CCDC85A: variants seen among roughly 807,000 people sequenced by gnomAD.
CCDC85A encodes the protein coiled-coil domain-containing protein 85A.
CCDC85A carries 38 observed loss-of-function variants against 50.2 expected under a neutral mutation model. The observed-to-expected ratio is 0.76, with a 90% CI of 0.58 to 0.99. The LOEUF (loss-of-function observed/expected upper bound fraction) is 0.99. Among genes scored for constraint, CCDC85A ranks in the 50% least tolerant of loss-of-function variants. CCDC85A has a pLI of 0.00. For synonymous variants in CCDC85A, 366 were observed against 301.4 expected (o/e 1.21, Z -2.22); for missense variants, 820 against 742.0 (o/e 1.11, Z -1.22).
At chr2:56,214,692 G>A (rs1470389999) in intron 2 of CCDC85A, among the ~76,000 whole-genome samples, 1 of 151,842 alleles carries the variant, frequency 6.6e-6, no homozygotes, top group Non-Finnish European at 1.5e-5. Flanking sequence ...GACTGTATTT[G>A]TGTGGGTCTG....
At chr2:56,374,336 G>A (rs1676230908) in intron 4 of CCDC85A, among the ~76,000 whole-genome samples, 1 of 152,088 alleles carries the variant, frequency 6.6e-6, no homozygotes, top group Admixed American at 6.6e-5. Flanking sequence ...TGAGGACATA[G>A]GAGAAATGAC....
intron 2 of CCDC85A, among the ~76,000 whole-genome samples, chr2:56,230,669 T>C (rs2103935566): frequency 6.6e-6 from 1 of 152,320 alleles, no homozygotes; most frequent in East Asian, 1.9e-4. Context: ...TTTAAAAAAA[T>C]TCTCTGTGTT....
chr2:56,298,419 A>T (rs551350693), intron 2 of CCDC85A, among the ~76,000 whole-genome samples: 1 of 152,278 alleles, frequency 6.6e-6, no homozygotes, highest in South Asian at 2.1e-4. Flanking sequence ...CTGCGTTTGG[A>T]AAAAAAGTGA....
rs184946172 is a variant in CCDC85A at position 56,351,223 on chromosome 2, A to G, written c.1317+8268A>G. ...CTGCATAGTATTCCACAGTGTATATATGCCACATTTTCTTAATCCAGTCTA... is the reference window on the plus strand; with the variant it reads ...CTGCATAGTATTCCACAGTGTATATGTGCCACATTTTCTTAATCCAGTCTA... On this transcript the variant is annotated intron_variant, in intron 3 of 5. Transcript: ENST00000407595. Among the ~76,000 whole-genome samples, 580 of 151,528 alleles carry G rather than the reference A, an allele frequency of 3.8e-3. 3 individuals carry two copies. The highest frequency in any genetic ancestry group is 0.012 in the African/African-American group (504 of 40,960).
intron 3 of CCDC85A, among the ~76,000 whole-genome samples, chr2:56,345,450 A>G (rs1417177085): frequency 6.6e-6 from 1 of 152,218 alleles, no homozygotes; most frequent in Non-Finnish European, 1.5e-5. Flanking sequence ...AAGAGAACCC[A>G]TTGTTTGAAA....
intron 2 of CCDC85A, among the ~76,000 whole-genome samples, chr2:56,256,761 A>C (rs1481202331): frequency 1.3e-5 from 2 of 152,232 alleles, no homozygotes; most frequent in African/African-American, 4.8e-5. Flanking sequence ...ACTGCCACTT[A>C]CATTTGGTAA....
At chr2:56,316,940 G>A (rs975553242) in intron 2 of CCDC85A, among the ~76,000 whole-genome samples, 2 of 151,902 alleles carry the variant, frequency 1.3e-5, no homozygotes, top group African/African-American at 2.4e-5. Context: ...ATGTCTTATC[G>A]TACATGGCTA....
chr2:56,378,221 A>C (rs1360680510), intron 5 of CCDC85A, among the ~76,000 whole-genome samples: 4 of 152,222 alleles, frequency 2.6e-5, no homozygotes, highest in African/African-American at 7.2e-5. Context: ...TTGTGAAAAG[A>C]ATAATTAGTA....
intron 2 of CCDC85A, among the ~76,000 whole-genome samples, chr2:56,329,827 CATACA>C (rs1263239911): frequency 6.6e-6 from 1 of 151,696 alleles, no homozygotes; most frequent in African/African-American, 2.4e-5. Context: ...AAAAGCCAAC[CATACA>C]TGGGCTTTTA....
chr2:56,264,459 C>A (rs560569400), intron 2 of CCDC85A, among the ~76,000 whole-genome samples: 18 of 152,240 alleles, frequency 1.2e-4, no homozygotes, highest in African/African-American at 4.3e-4. Context: ...TATTTCATAC[C>A]CAAACCACCT....
In CCDC85A at chr2:56,298,485, T is replaced by A. The variant is rs375680522; in HGVS notation, c.1241-44394T>A. On this transcript the variant is annotated intron_variant, in intron 2 of 5. Coordinates refer to ENST00000407595, the MANE Select transcript of CCDC85A (RefSeq NM_001080433.2). ...TTAACACTTTCAATGAGTATTTAGGTCCTAAATTCTGTTTCAGGGCTCAGC... is the reference window on the plus strand; with the variant it reads ...TTAACACTTTCAATGAGTATTTAGGACCTAAATTCTGTTTCAGGGCTCAGC... 4.1e-4 allele frequency among the ~76,000 whole-genome samples: 63 copies of A among 152,326 alleles called. 1 individual carries two copies. The highest frequency in any genetic ancestry group is 1.5e-3 in the African/African-American group (63 of 41,582).
rs1454968665 is a variant in CCDC85A at position 56,264,602 on chromosome 2, C to T, written c.1240+71162C>T. Among the ~76,000 whole-genome samples, 4 of 152,228 alleles carry T rather than the reference C, an allele frequency of 2.6e-5. No individual in the cohort carries two copies. In the East Asian group the frequency reaches 7.7e-4, roughly 29 times the overall value. On this transcript the variant is annotated intron_variant, in intron 2 of 5. Coordinates refer to ENST00000407595, the MANE Select transcript of CCDC85A (RefSeq NM_001080433.2). Reference sequence around the variant, plus strand: ...ATTACAGTAGCCTTTGAACTGGTCTCCATGCTTCACCCTAGCTTTCTAGTG... The same window carrying T: ...ATTACAGTAGCCTTTGAACTGGTCTTCATGCTTCACCCTAGCTTTCTAGTG...
intron 2 of CCDC85A, among the ~76,000 whole-genome samples, chr2:56,293,862 G>A (rs777502550): frequency 1.4e-4 from 22 of 152,196 alleles, no homozygotes; most frequent in Non-Finnish European, 2.4e-4. Context: ...TGGTGGGAAT[G>A]TAAATTAGTT....
chr2:56,187,527 C>A (rs1383952959), intron 1 of CCDC85A, among the ~76,000 whole-genome samples: 1 of 152,156 alleles, frequency 6.6e-6, no homozygotes, highest in Non-Finnish European at 1.5e-5. Flanking sequence ...ATAATTTGGG[C>A]AGCTTTGGCC....
At chr2:56,197,068 G>T (rs1302279671) in intron 2 of CCDC85A, among the ~76,000 whole-genome samples, 1 of 152,096 alleles carries the variant, frequency 6.6e-6, no homozygotes, top group African/African-American at 2.4e-5. Context: ...AACTACTTTG[G>T]TCTTGCTGAA....
intron 2 of CCDC85A, among the ~76,000 whole-genome samples, chr2:56,268,360 G>A (rs1670543941): frequency 6.6e-6 from 1 of 152,028 alleles, no homozygotes. Context: ...CACTTTGGGA[G>A]GCCAGCACTT....
intron 2 of CCDC85A, among the ~76,000 whole-genome samples, chr2:56,296,616 T>A (rs1435876215): frequency 1.3e-5 from 2 of 152,150 alleles, no homozygotes; most frequent in Non-Finnish European, 2.9e-5. Context: ...TCAGAAAGGC[T>A]TTTGTCAGGA....
At position 56,193,187 on chromosome 2, in the gene CCDC85A, C is replaced by T. The variant is rs377160699; in HGVS notation, c.987C>T (p.Ala329=). The change falls in exon 2 of 6, where the codon GCC becomes GCT. Residue 329 remains alanine, a synonymous_variant. Coordinates refer to ENST00000407595, the MANE Select transcript of CCDC85A (RefSeq NM_001080433.2). The part of the protein sequence containing the change: ...KHRSGSSPEH[A]RHSGGSPEHL... ...GGTCAGGGAGCAGCCCTGAACACGCCAGGCACAGTGGAGGGAGCCCGGAGC... is the reference window on the plus strand; with the variant it reads ...GGTCAGGGAGCAGCCCTGAACACGCTAGGCACAGTGGAGGGAGCCCGGAGC... The T allele has an allele frequency of 1.9e-6, 3 of 1,612,970 alleles. No homozygotes were observed. The highest frequency in any genetic ancestry group is 2.7e-5 in the African/African-American group (2 of 74,756).
chr2:56,274,034 A>G (rs1184096812), intron 2 of CCDC85A, among the ~76,000 whole-genome samples: 1 of 152,192 alleles, frequency 6.6e-6, no homozygotes, highest in African/African-American at 2.4e-5. Flanking sequence ...ATTTAACTGT[A>G]TCTGGAGGAT....
Sources: allele counts gnomAD v4.1 joint callset (sites outside exome capture counted in the v4.1 genomes callset), GRCh38; gene constraint gnomAD v4.1.1; transcripts MANE v1.5; gene names NCBI Gene and HGNC (gene_info 2026-07-23, HGNC 2026-07-21).